AK4: variants seen among roughly 807,000 people sequenced by gnomAD.
AK4 encodes adenylate kinase 4.
Under a neutral mutation model 24.6 loss-of-function variants are expected in AK4, and 13 were observed. That is an observed-to-expected ratio of 0.53 (90% CI 0.34 to 0.84). AK4 has a LOEUF of 0.84. Ranked by LOEUF, AK4 falls within the 40% of genes least tolerant of loss-of-function variation. The pLI, the probability that AK4 is intolerant of heterozygous loss-of-function variation, is 0.01. For synonymous variants in AK4, 88 were observed against 107.0 expected, an observed-to-expected ratio of 0.82 and a Z score of 1.10; for missense variants, 192 against 288.2, an observed-to-expected ratio of 0.67 and a Z score of 2.42.
chr1:65,223,407 T>C (rs1302560309), intron 3 of AK4, among the ~76,000 whole-genome samples: 1 of 151,924 alleles, frequency 6.6e-6, no homozygotes, highest in African/African-American at 2.4e-5. Context: ...CAGGCTGGTC[T>C]CAAACTCCTG....
rs200243581 is a variant in AK4 at position 65,148,560 on chromosome 1, G to A, written c.145+8G>A. ...ACATCAAGGCCAGCACCGGTGAGGG[G>A]CTGCGGGGACGAGGGCCGGGGGCGA... is the stretch of plus-strand genomic sequence containing the variant. On this transcript the variant is annotated splice_region_variant and intron_variant, in intron 1 of 4. Transcript: ENST00000327299. 5 of 1,597,342 alleles carry A rather than the reference G, an allele frequency of 3.1e-6. No individual in the cohort carries two copies. The highest frequency in any genetic ancestry group is 3.4e-6 in the Non-Finnish European group (4 of 1,171,910).
intron 1 of AK4, among the ~76,000 whole-genome samples, chr1:65,190,005 T>C (rs181259051): frequency 1.3e-5 from 2 of 152,328 alleles, no homozygotes; most frequent in Admixed American, 1.3e-4. Flanking sequence ...CTTTGGTCTC[T>C]GTAAGAAATG....
At position 65,226,101 on chromosome 1, in the gene AK4, C is replaced by T. The variant is rs531898415; in HGVS notation, c.596C>T (p.Thr199Met). Reference protein sequence around the residue: ...GVLHQFSGTETNKIWPYVYTL... With the variant: ...GVLHQFSGTEMNKIWPYVYTL... Reference sequence around the variant, plus strand: ...CTCCACCAATTTTCCGGAACGGAGACGAACAAAATCTGGCCCTACGTTTAC... The same window carrying T: ...CTCCACCAATTTTCCGGAACGGAGATGAACAAAATCTGGCCCTACGTTTAC... Residue 199 changes from threonine to methionine, a missense_variant, in exon 5 of 5, where the codon ACG becomes ATG. Thr to Met is a moderately conservative substitution (Grantham distance 81, BLOSUM62 -1). Transcript: ENST00000327299. 6.2e-6 allele frequency: 10 copies of T among 1,611,644 alleles called. No homozygotes were observed. Among genetic ancestry groups the T allele is most frequent in the South Asian group, 4.4e-5 (4 of 90,866 alleles).
intron 2 of AK4, among the ~76,000 whole-genome samples, chr1:65,197,439 T>A (rs1170199965): frequency 6.6e-6 from 1 of 152,228 alleles, no homozygotes; most frequent in Admixed American, 6.5e-5. Flanking sequence ...ATTTAATCCT[T>A]TTCATTGGTA....
intron 1 of AK4, among the ~76,000 whole-genome samples, chr1:65,181,017 T>C (rs1356815400): frequency 1.3e-5 from 2 of 151,760 alleles, no homozygotes; most frequent in African/African-American, 4.8e-5. Flanking sequence ...CATTGAGTAA[T>C]TATCTCTTTC....
intron 1 of AK4, among the ~76,000 whole-genome samples, chr1:65,167,518 TC>T: frequency 6.6e-6 from 1 of 151,294 alleles, no homozygotes; most frequent in South Asian, 2.1e-4. Flanking sequence ...AAAAAAAAGA[TC>T]AAGGATCTAG....
chr1:65,157,792 GA>G (rs939998627), intron 1 of AK4, among the ~76,000 whole-genome samples: 62 of 147,386 alleles, frequency 4.2e-4, no homozygotes, highest in East Asian at 1.8e-3. Context: ...CTGTCTCTGA[GA>G]AAAAAAAAAA....
At chr1:65,202,739 A>G (rs1651698155) in intron 2 of AK4, among the ~76,000 whole-genome samples, 1 of 152,178 alleles carries the variant, frequency 6.6e-6, no homozygotes, top group Non-Finnish European at 1.5e-5. Flanking sequence ...TGCTAATTTA[A>G]TAATAATTAT....
intron 2 of AK4, among the ~76,000 whole-genome samples, chr1:65,210,579 G>A (rs975456259): frequency 6.6e-6 from 1 of 152,012 alleles, no homozygotes. Flanking sequence ...TTCTGTTACC[G>A]AGGACTTTCT....
rs1366611977 is a variant in AK4 at position 65,231,301 on chromosome 1, GTA to G, written c.*5126_*5127del. 1 of 152,198 alleles carries G rather than the reference GTA, an allele frequency of 6.6e-6. No homozygotes were observed. Among genetic ancestry groups the G allele is most frequent in the Non-Finnish European group, 1.5e-5 (1 of 68,072 alleles). The allele number at this position is 152,198 out of a possible 1,614,324, so 9.4% of individuals were successfully genotyped here. A position where few individuals can be genotyped will look rare whatever the true frequency, so the allele number is the denominator to read the frequency against. On this transcript the variant is annotated 3_prime_UTR_variant, in exon 5 of 5. Transcript: ENST00000327299. ...CTTGCCAGAATAAATGCCATTATCT[GTA>G]TGTTTCAGGGAGTTCCCCAATTTGA...
intron 1 of AK4, among the ~76,000 whole-genome samples, chr1:65,155,709 C>T (rs1264464525): frequency 6.6e-6 from 1 of 150,934 alleles, no homozygotes; most frequent in Non-Finnish European, 1.5e-5. Context: ...GTCGCCTAGG[C>T]TAGAGTGCAG....
intron 1 of AK4, among the ~76,000 whole-genome samples, chr1:65,171,921 G>A: frequency 6.6e-6 from 1 of 151,244 alleles, no homozygotes; most frequent in African/African-American, 2.4e-5. Flanking sequence ...TAAAAAATTA[G>A]CATGGTGGCA....
chr1:65,212,248 G>A (rs936387877), intron 2 of AK4, among the ~76,000 whole-genome samples: 6 of 152,030 alleles, frequency 3.9e-5, no homozygotes, highest in Non-Finnish European at 7.4e-5. Flanking sequence ...CCACCATGAT[G>A]CCCTGCTTTT....
chr1:65,180,298 A>G (rs1387230850), intron 1 of AK4, among the ~76,000 whole-genome samples: 5 of 152,100 alleles, frequency 3.3e-5, no homozygotes, highest in African/African-American at 7.2e-5. Context: ...AAATGCAACA[A>G]TTAGCTGGGC....
intron 1 of AK4, 129 bp downstream of exon 1, chr1:65,148,681 G>A (rs1649655587): frequency 7.7e-7 from 1 of 1,304,570 alleles, no homozygotes; most frequent in Non-Finnish European, 9.8e-7. Context: ...GCTCGTACGT[G>A]CCGGGGCGCA....
At chr1:65,147,583 G>C (rs1200722449), upstream of AK4, 1 of 151,952 alleles carries the variant, frequency 6.6e-6, no homozygotes, top group East Asian at 1.9e-4. Flanking sequence ...GGCCGGCCGG[G>C]GCTCCGCGAC....
chr1:65,221,544 C>T (rs1231140633), intron 3 of AK4, among the ~76,000 whole-genome samples: 1 of 152,126 alleles, frequency 6.6e-6, no homozygotes, highest in Non-Finnish European at 1.5e-5. Context: ...AAGACCTGGC[C>T]TCCCTCCCAC....
At chr1:65,170,284 C>T (rs912737210) in intron 1 of AK4, among the ~76,000 whole-genome samples, 13 of 152,152 alleles carry the variant, frequency 8.5e-5, no homozygotes, top group African/African-American at 3.1e-4. Context: ...AGGAGAATGG[C>T]GTGAACCCGG....
chr1:65,159,969 C>CA (rs951802334), intron 1 of AK4, among the ~76,000 whole-genome samples: 6,711 of 62,750 alleles, frequency 0.11, 506 homozygotes, highest in African/African-American at 0.22. Flanking sequence ...ACTATGTCTC[C>CA]AAAAAAAAAA....
Sources: allele counts gnomAD v4.1 joint callset (sites outside exome capture counted in the v4.1 genomes callset), GRCh38; gene constraint gnomAD v4.1.1; transcripts MANE v1.5; gene names NCBI Gene and HGNC (gene_info 2026-07-23, HGNC 2026-07-21).